Variants in CGGBP1 observed in about 807,000 individuals in gnomAD.
CGGBP1 encodes the protein CGG triplet repeat binding protein 1.
Under a neutral mutation model 11.4 loss-of-function variants are expected in CGGBP1, and 4 were observed. That is an observed-to-expected ratio of 0.35 (90% confidence interval 0.17 to 0.80). The LOEUF (loss-of-function observed/expected upper bound fraction) is 0.80, where lower values mean the gene tolerates loss of function less well. CGGBP1 is among the 30% of genes least tolerant of loss of function. CGGBP1 has a pLI of 0.52. For missense variants in CGGBP1, 135 were observed against 202.1 expected (o/e 0.67, Z 2.01); for synonymous variants, 76 against 74.1 (o/e 1.03, Z -0.13).
intron 2 of CGGBP1, among the ~76,000 whole-genome samples, chr3:88,070,357 A>G (rs952773076): frequency 2.0e-5 from 3 of 152,062 alleles, no homozygotes; most frequent in African/African-American, 7.2e-5. Flanking sequence ...ATAAAAAATG[A>G]TCTTTTCAGT....
At chr3:88,083,626 G>A (rs1012026228) in intron 2 of CGGBP1, among the ~76,000 whole-genome samples, 3 of 152,224 alleles carry the variant, frequency 2.0e-5, no homozygotes, top group African/African-American at 7.2e-5. Flanking sequence ...GGGTTTCCAC[G>A]ATCCATAAAA....
At chr3:88,083,202 C>T (rs1230731327) in intron 2 of CGGBP1, among the ~76,000 whole-genome samples, 1 of 152,156 alleles carries the variant, frequency 6.6e-6, no homozygotes, top group Non-Finnish European at 1.5e-5. Flanking sequence ...AGGGCTTCAA[C>T]AAATGAACTT....
At chr3:88,070,936 T>C (rs1707476211) in intron 2 of CGGBP1, among the ~76,000 whole-genome samples, 1 of 152,112 alleles carries the variant, frequency 6.6e-6, no homozygotes, top group South Asian at 2.1e-4. Context: ...TCATATATTA[T>C]CCAAATTTAA....
At chr3:88,063,013 G>A (rs945267129), upstream of CGGBP1, among the ~76,000 whole-genome samples, 1 of 152,186 alleles carries the variant, frequency 6.6e-6, no homozygotes, top group Non-Finnish European at 1.5e-5. Context: ...TTAGAAAAGC[G>A]GAATGCTCCT....
intron 2 of CGGBP1, among the ~76,000 whole-genome samples, chr3:88,099,084 C>A (rs918189947): frequency 1.3e-5 from 2 of 152,142 alleles, no homozygotes; most frequent in African/African-American, 2.4e-5. Flanking sequence ...ATTTAGAAAA[C>A]CCCATTGTCT....
intron 2 of CGGBP1, among the ~76,000 whole-genome samples, chr3:88,073,528 G>A (rs1217842247): frequency 2.0e-5 from 3 of 152,142 alleles, no homozygotes; most frequent in African/African-American, 4.8e-5. Flanking sequence ...CTGAATAAGT[G>A]GCTGGAACAA....
At chr3:88,081,207 T>G (rs1708058526) in intron 2 of CGGBP1, among the ~76,000 whole-genome samples, 3 of 152,238 alleles carry the variant, frequency 2.0e-5, no homozygotes, top group African/African-American at 7.2e-5. Flanking sequence ...TCTTTCTCAA[T>G]GTATTGTTAT....
rs373418108 is a variant in CGGBP1, at chr3:88,056,014, G to C, written c.-23-15C>G. The C allele has an allele frequency of 1.0e-5, 16 of 1,542,508 alleles. No homozygotes were observed. The highest frequency in any genetic ancestry group is 1.4e-5 in the Non-Finnish European group (16 of 1,141,426). On this transcript the variant is annotated splice_polypyrimidine_tract_variant and intron_variant, in intron 3 of 3. Transcript: ENST00000482016. The stretch of plus-strand genomic sequence containing the variant: ...TAAATATGGTTCTTTCAAGACAAAA[G>C]AAACAAAGATGAGTATTATAACAAC...
intron 2 of CGGBP1, among the ~76,000 whole-genome samples, chr3:88,099,999 C>T (rs1263868362): frequency 6.6e-6 from 1 of 152,184 alleles, no homozygotes; most frequent in African/African-American, 2.4e-5. Flanking sequence ...TAAAGAGCTT[C>T]TGCACAGCAA....
In CGGBP1 at chr3:88,054,445, T is replaced by C. The variant is rs939289580; in HGVS notation, c.*1028A>G. The C allele has an allele frequency of 1.2e-4, 19 of 152,180 alleles. No individual in the cohort carries two copies. The highest frequency in any genetic ancestry group is 4.6e-4 in the African/African-American group (19 of 41,438). 9.4% of individuals were successfully genotyped at this position (152,180 alleles called of 1,614,324 possible). On this transcript the variant is annotated 3_prime_UTR_variant, in exon 4 of 4. Transcript: ENST00000482016. ...AAACCTGCCAGAATTTCTAGACAAT[T>C]GTTTACCATCCATGTTAAAAACCTT...
intron 2 of CGGBP1, among the ~76,000 whole-genome samples, chr3:88,086,875 C>T (rs547461710): frequency 1.7e-3 from 259 of 152,226 alleles, no homozygotes; most frequent in Admixed American, 5.8e-3. Context: ...CTCCCCCTCC[C>T]GGGTTCACGC....
intron 2 of CGGBP1, chr3:88,128,707 A>T: frequency 1.3e-6 from 1 of 764,040 alleles, no homozygotes; most frequent in Non-Finnish European, 2.0e-6. Context: ...TTAAGTAGTT[A>T]AATCTAATTA....
chr3:88,053,210 G>A lies in CGGBP1; in HGVS notation c.*2263C>T, dbSNP rs1412200025. The A allele has an allele frequency of 2.0e-5, 3 of 152,034 alleles. No homozygotes were observed. Among genetic ancestry groups the A allele is most frequent in the Non-Finnish European group, 2.9e-5 (2 of 67,950 alleles). 9.4% of individuals were successfully genotyped at this position (152,034 alleles called of 1,614,324 possible). On this transcript the variant is annotated 3_prime_UTR_variant, in exon 4 of 4. Coordinates refer to ENST00000482016, the MANE Select transcript of CGGBP1 (RefSeq NM_001008390.2). ...TGGTTTCAGGGATTTGTATCAGTTC[G>A]AGCAGGCTAAAACAATCATTCTGCT...
intron 2 of CGGBP1, among the ~76,000 whole-genome samples, chr3:88,102,808 C>T (rs1185930538): frequency 7.2e-6 from 1 of 138,404 alleles, no homozygotes; most frequent in Non-Finnish European, 1.5e-5. Flanking sequence ...TTACCTCAAC[C>T]TCTACTGTCT....
intron 2 of CGGBP1, among the ~76,000 whole-genome samples, chr3:88,096,122 C>T (rs1019742662): frequency 6.6e-6 from 1 of 151,760 alleles, no homozygotes; most frequent in Admixed American, 6.6e-5. Flanking sequence ...AGATCTGTTT[C>T]AGTCAAGATT....
At chr3:88,122,123 A>G (rs1232190134) in intron 2 of CGGBP1, among the ~76,000 whole-genome samples, 2 of 152,294 alleles carry the variant, frequency 1.3e-5, no homozygotes, top group Middle Eastern at 3.4e-3. Flanking sequence ...ATTATGGATT[A>G]AGGTAGCTAG....
upstream of CGGBP1, among the ~76,000 whole-genome samples, chr3:88,061,452 T>G (rs1706879527): frequency 6.6e-6 from 1 of 152,206 alleles, no homozygotes. Context: ...TATGTTAGAC[T>G]GACATACTTT....
In CGGBP1 at chr3:88,097,800, A is replaced by G. The variant is rs182940231; in HGVS notation, c.-228-39577T>C. 7.0e-4 allele frequency among the ~76,000 whole-genome samples: 106 copies of G among 152,340 alleles called. 2 individuals are homozygous for G. Among genetic ancestry groups the G allele is most frequent in the Non-Finnish European group, 2.5e-4 (17 of 68,036 alleles). On this transcript the variant is annotated intron_variant, in intron 2 of 3. Coordinates refer to the CGGBP1 transcript ENST00000462901. ...TGAAACCAATGAGAACAAAGACACA[A>G]CATAACAGAATATCTGCGACACATT...
chr3:88,143,825 C>G (rs969650895), intron 1 of CGGBP1: 1 of 151,870 alleles, frequency 6.6e-6, no homozygotes, highest in African/African-American at 2.4e-5. Flanking sequence ...ACTGTCTTAA[C>G]CTCGGTTTAT....
Sources: gnomAD v4.1 joint callset for allele counts (sites outside exome capture counted in the v4.1 genomes callset) on GRCh38, gnomAD v4.1.1 for gene constraint, MANE v1.5 for transcripts, NCBI Gene and HGNC (gene_info 2026-07-23, HGNC 2026-07-21) for gene names.